PASD1: variants seen among roughly 807,000 people sequenced by gnomAD.
The protein encoded by PASD1 is PAS domain containing repressor 1.
In PASD1, 13 loss-of-function variants were observed where a neutral mutation model predicts 58.8. The ratio of observed to expected loss-of-function variants is 0.22; its 90% CI spans 0.14 to 0.35. The LOEUF (loss-of-function observed/expected upper bound fraction) is 0.35. Ranked by LOEUF, PASD1 falls within the 10% of genes least tolerant of loss-of-function variation. PASD1 has a pLI of 1.00. For missense variants in PASD1, 734 were observed against 568.3 expected (o/e 1.29, Z -2.96); for synonymous variants, 236 against 216.7 (o/e 1.09, Z -0.78).
At chrX:151,615,789 T>C (rs926312008) in intron 4 of PASD1, among the ~76,000 whole-genome samples, 1 of 112,433 alleles carries the variant, frequency 8.9e-6, no homozygotes, top group Non-Finnish European at 1.9e-5. Flanking sequence ...GATTAAAATT[T>C]AGCTTTGTTT....
intron 1 of PASD1, among the ~76,000 whole-genome samples, chrX:151,566,692 G>T (rs969345281): frequency 4.5e-5 from 5 of 111,966 alleles, no homozygotes; most frequent in Non-Finnish European, 9.4e-5. Flanking sequence ...CTTACTGGGC[G>T]AGCATCCCTA....
At chrX:151,576,351 C>A (rs1195477170) in intron 1 of PASD1, among the ~76,000 whole-genome samples, 1 of 111,926 alleles carries the variant, frequency 8.9e-6, no homozygotes, top group Non-Finnish European at 1.9e-5. Context: ...GTAATTCATA[C>A]AATGCTCAGT....
intron 11 of PASD1, among the ~76,000 whole-genome samples, chrX:151,664,663 G>C (rs2014356719): frequency 9.0e-6 from 1 of 111,501 alleles, no homozygotes; most frequent in Non-Finnish European, 1.9e-5. Context: ...GCTAAGAAAA[G>C]GTGGTATTTT....
chrX:151,595,495 G>A (rs1451931369), intron 1 of PASD1, among the ~76,000 whole-genome samples: 1 of 110,226 alleles, frequency 9.1e-6, no homozygotes. Context: ...GAGGCGGGCG[G>A]ATCACGAGGT....
At chrX:151,623,885 T>C (rs1029923559) in intron 7 of PASD1, among the ~76,000 whole-genome samples, 2 of 111,510 alleles carry the variant, frequency 1.8e-5, no homozygotes, top group African/African-American at 6.5e-5. Flanking sequence ...AAGTAAGTTA[T>C]GTGACCAGAA....
At chrX:151,622,822 A>C in intron 6 of PASD1, 115 bp from the exon 7 acceptor site, 1 of 826,251 alleles carries the variant, frequency 1.2e-6, no homozygotes, top group Non-Finnish European at 1.7e-6. Flanking sequence ...CCCATGGCTC[A>C]GAATTTTGAA....
At chrX:151,641,914 A>G (rs1192053555) in intron 8 of PASD1, among the ~76,000 whole-genome samples, 1 of 111,921 alleles carries the variant, frequency 8.9e-6, no homozygotes. Context: ...ACTCTGCTGG[A>G]GAGGACGGGT....
intron 15 of PASD1, among the ~76,000 whole-genome samples, chrX:151,674,838 C>T (rs1188857512): frequency 9.1e-6 from 1 of 109,471 alleles, no homozygotes; most frequent in African/African-American, 3.3e-5. Context: ...TTTTTTTTTT[C>T]AAACAACAAA....
At chrX:151,658,708 G>C (rs2014276684) in intron 9 of PASD1, among the ~76,000 whole-genome samples, 1 of 112,316 alleles carries the variant, frequency 8.9e-6, no homozygotes, top group Non-Finnish European at 1.9e-5. Context: ...TCCTGAAGTT[G>C]AAATGCTGGG....
At chrX:151,662,295 TA>T (rs981959949) in intron 10 of PASD1, among the ~76,000 whole-genome samples, 22 of 109,650 alleles carry the variant, frequency 2.0e-4, no homozygotes, top group African/African-American at 5.6e-4. Context: ...ATACCGTCAT[TA>T]AAAAAAAATT....
chrX:151,649,387 A>C (rs1420215902), intron 9 of PASD1, among the ~76,000 whole-genome samples: 3 of 111,967 alleles, frequency 2.7e-5, no homozygotes, highest in Non-Finnish European at 5.6e-5. Flanking sequence ...ACATCAGAAG[A>C]CAAGGGTTTG....
At chrX:151,669,267 T>TAC (rs2014432352) in intron 11 of PASD1, among the ~76,000 whole-genome samples, 1 of 107,157 alleles carries the variant, frequency 9.3e-6, no homozygotes, top group Admixed American at 1.0e-4. Flanking sequence ...ATAGTGTATA[T>TAC]ATATACACTA....
In PASD1 at chrX:151,597,887, C is replaced by T. The variant is rs538685950; in HGVS notation, c.-27-3640C>T. Among the ~76,000 whole-genome samples the T allele has an allele frequency of 3.2e-4, 35 of 111,070 alleles. No homozygotes were observed. In the South Asian group the frequency reaches 0.012, roughly 39 times the overall value. ...CTGGGATTATAGGTGCCTGCCACCA[C>T]GCCCAGCTATGTTTTGTATTTTAGT... On this transcript the variant is annotated intron_variant, in intron 1 of 15. Coordinates refer to ENST00000370357, the MANE Select transcript of PASD1 (RefSeq NM_173493.3).
chrX:151,657,836 AG>A (rs1385761689), intron 9 of PASD1, among the ~76,000 whole-genome samples: 55 of 14,384 alleles, frequency 3.8e-3, no homozygotes, highest in Non-Finnish European at 7.7e-3. Context: ...ATTTTTTTGG[AG>A]GGTTTTTTTT....
intron 8 of PASD1, 58 bp from the exon 9 acceptor site, chrX:151,648,557 T>C (rs1421547179): frequency 1.9e-6 from 2 of 1,079,762 alleles, no homozygotes; most frequent in Non-Finnish European, 2.5e-6. Flanking sequence ...TGATAGAAAA[T>C]TTTGATTTAA....
At chrX:151,607,774 G>A (rs781320963) in intron 3 of PASD1, among the ~76,000 whole-genome samples, 1 of 111,938 alleles carries the variant, frequency 8.9e-6, no homozygotes, top group Non-Finnish European at 1.9e-5. Flanking sequence ...CCCATGCTCC[G>A]AGGTGGATGA....
At chrX:151,581,413 A>G (rs759597588) in intron 1 of PASD1, among the ~76,000 whole-genome samples, 18 of 108,607 alleles carry the variant, frequency 1.7e-4, no homozygotes, top group African/African-American at 6.0e-4. Flanking sequence ...GAAATATAGT[A>G]AAACCTATCT....
At chrX:151,607,353 T>TA (rs1307507933) in intron 3 of PASD1, among the ~76,000 whole-genome samples, 1 of 112,198 alleles carries the variant, frequency 8.9e-6, no homozygotes, top group East Asian at 2.8e-4. Flanking sequence ...CACAATTACT[T>TA]ACCCATTTTG....
intron 1 of PASD1, among the ~76,000 whole-genome samples, chrX:151,572,494 C>T (rs980303401): frequency 8.9e-6 from 1 of 111,996 alleles, no homozygotes; most frequent in Non-Finnish European, 1.9e-5. Context: ...TTAATAAATA[C>T]GGACTGGGAG....
Sources: gnomAD v4.1 joint callset for allele counts (sites outside exome capture counted in the v4.1 genomes callset) on GRCh38, gnomAD v4.1.1 for gene constraint, MANE v1.5 for transcripts, NCBI Gene and HGNC (gene_info 2026-07-23, HGNC 2026-07-21) for gene names.